The following KCNQ1 variants were observed in gnomAD, a reference collection of about 807,000 sequenced individuals.
KCNQ1 encodes the protein potassium voltage-gated channel subfamily Q member 1, also known as potassium voltage-gated channel subfamily KQT member 1.
A neutral mutation model predicts 72.4 loss-of-function variants in KCNQ1; 49 were observed. The ratio of observed to expected loss-of-function variants is 0.68; its 90% CI spans 0.54 to 0.86. The LOEUF is 0.86. Among genes scored for constraint, KCNQ1 ranks in the 40% least tolerant of loss-of-function variants. The pLI, the probability that KCNQ1 is intolerant of heterozygous loss-of-function variation, is 0.00. For synonymous variants in KCNQ1, 450 were observed against 412.6 expected, an observed-to-expected ratio of 1.09 and a Z score of -1.10; for missense variants, 790 against 945.1, an observed-to-expected ratio of 0.84 and a Z score of 2.15.
At position 2,659,881 on chromosome 11, in the gene KCNQ1, AATTGG is replaced by A; in HGVS notation, c.1394-2075_1394-2071del. 5.0e-6 allele frequency: 2 copies of A among 398,412 alleles called. No homozygotes were observed. Among genetic ancestry groups the A allele is most frequent in the Non-Finnish European group, 8.9e-6 (2 of 225,964 alleles). The allele number at this position is 398,412 out of a possible 1,614,324, so 24.7% of individuals were successfully genotyped here. On this transcript the variant is annotated intron_variant, in intron 10 of 15. Coordinates refer to ENST00000155840, the MANE Select transcript of KCNQ1 (RefSeq NM_000218.3). The surrounding 1 kb of genome is among the most constrained non-coding windows in gnomAD (Gnocchi z 4.3). ...GTGCTTATTTATAATCCATTTTTAA[AATTGG>A]ATTGTTCACTTTATTGTCAAGTTGT... is the stretch of plus-strand genomic sequence containing the variant.
rs41282910 is a variant in KCNQ1, at chr11:2,588,965, G to C, written c.1393+111G>C. The C allele has an allele frequency of 1.5e-6, 2 of 1,305,020 alleles. No individual in the cohort carries two copies. Among genetic ancestry groups the C allele is most frequent in the Admixed American group, 1.9e-5 (1 of 51,528 alleles). The allele number at this position is 1,305,020 out of a possible 1,614,324, so 80.8% of individuals were successfully genotyped here. A position where few individuals can be genotyped will look rare whatever the true frequency, so the allele number is the denominator to read the frequency against. ...CCCTTGGGCTGTGGTCTCTGACAAC[G>C]AGGTATGAACAGACAGAGGGTGGAG... On this transcript the variant is annotated intron_variant, in intron 10 of 15. Coordinates refer to ENST00000155840, the MANE Select transcript of KCNQ1 (RefSeq NM_000218.3). This position sits in a 1 kb window ranked among gnomAD's most constrained non-coding sequence, Gnocchi z 5.6.
At chr11:2,469,509 G>A (rs113698256) in intron 1 of KCNQ1, among the ~76,000 whole-genome samples, 6,771 of 152,126 alleles carry the variant, frequency 0.045, 197 homozygotes, top group Non-Finnish European at 0.066. Flanking sequence ...CTGACCTCGT[G>A]ATCCACCTGC....
At position 2,484,075 on chromosome 11, in the gene KCNQ1, A is replaced by T. The variant is rs1439942784; in HGVS notation, c.386+38591A>T. The stretch of plus-strand genomic sequence containing the variant: ...GCTGTCCCCTTTGTTCTGGTTATGT[A>T]TCCAGTGGCTTATGTATATCAGCAT... On this transcript the variant is annotated intron_variant, in intron 1 of 15. Coordinates refer to ENST00000155840, the MANE Select transcript of KCNQ1 (RefSeq NM_000218.3). The surrounding 1 kb of genome is among the most constrained non-coding windows in gnomAD (Gnocchi z 5.2). Among the ~76,000 whole-genome samples, 1 of 152,296 alleles carries T rather than the reference A, an allele frequency of 6.6e-6. No homozygotes were observed. The highest frequency in any genetic ancestry group is 1.5e-5 in the Non-Finnish European group (1 of 68,028).
intron 11 of KCNQ1, among the ~76,000 whole-genome samples, chr11:2,758,962 G>T (rs931988818): frequency 1.3e-5 from 2 of 152,124 alleles, no homozygotes; most frequent in African/African-American, 4.8e-5. Context: ...TCCATTCCTC[G>T]TTGCTGTGTG....
At position 2,562,985 on chromosome 11, in the gene KCNQ1, G is replaced by A. The variant is rs1306356735; in HGVS notation, c.478-7643G>A. Among the ~76,000 whole-genome samples, 1 of 152,184 alleles carries A rather than the reference G, an allele frequency of 6.6e-6. No individual in the cohort carries two copies. The highest frequency in any genetic ancestry group is 6.5e-5 in the Admixed American group (1 of 15,286). On this transcript the variant is annotated intron_variant, in intron 2 of 15. Coordinates refer to ENST00000155840, the MANE Select transcript of KCNQ1 (RefSeq NM_000218.3). This position sits in a 1 kb window ranked among gnomAD's most constrained non-coding sequence, Gnocchi z 7.5. ...AGACACTAAAGTCCTCGCGATAAGG[G>A]TCTGCGAGGCTTCCTTTATGTTTTG...
At chr11:2,706,351 G>A (rs1193058907) in intron 11 of KCNQ1, among the ~76,000 whole-genome samples, 1 of 152,228 alleles carries the variant, frequency 6.6e-6, no homozygotes, top group Non-Finnish European at 1.5e-5. Context: ...CCTGTGGTGA[G>A]GAACTGAGGC....
chr11:2,532,221 A>G (rs773105516), intron 2 of KCNQ1, among the ~76,000 whole-genome samples: 18 of 152,104 alleles, frequency 1.2e-4, no homozygotes, highest in Non-Finnish European at 2.4e-4. Flanking sequence ...ACACTCCCTG[A>G]GGGTGGGACC....
At position 2,664,775 on chromosome 11, in the gene KCNQ1, G is replaced by T. The variant is rs1048863738; in HGVS notation, c.1514+2694G>T. 5.0e-6 allele frequency: 2 copies of T among 398,726 alleles called. No homozygotes were observed. Among genetic ancestry groups the T allele is most frequent in the Non-Finnish European group, 8.8e-6 (2 of 226,154 alleles). 24.7% of individuals were successfully genotyped at this position (398,726 alleles called of 1,614,324 possible). On this transcript the variant is annotated intron_variant, in intron 11 of 15. Transcript: ENST00000155840. The surrounding 1 kb of genome is among the most constrained non-coding windows in gnomAD (Gnocchi z 5.1). ...CTGGGGTCTCACAGGGGGCAGAGTG[G>T]GTGGGAGGCAGTTACCAAAAAACAT...
chr11:2,553,991 A>G (rs1248454905), intron 2 of KCNQ1, among the ~76,000 whole-genome samples: 1 of 152,222 alleles, frequency 6.6e-6, no homozygotes, highest in Admixed American at 6.5e-5. Context: ...TGCTGGGATT[A>G]CAAGCGTGAG....
chr11:2,673,831 C>T lies in KCNQ1; in HGVS notation c.1514+11750C>T. 2.5e-6 allele frequency: 1 copy of T among 398,800 alleles called. No individual in the cohort carries two copies. The highest frequency in any genetic ancestry group is 4.4e-6 in the Non-Finnish European group (1 of 226,204). 24.7% of individuals were successfully genotyped at this position (398,800 alleles called of 1,614,324 possible). ...TTCAATCCCAGGCCCACAAGCACCACAGCCAGGAGAGTCAAGGTTGGATAT... is the reference window on the plus strand; with the variant it reads ...TTCAATCCCAGGCCCACAAGCACCATAGCCAGGAGAGTCAAGGTTGGATAT... On this transcript the variant is annotated intron_variant, in intron 11 of 15. Coordinates refer to ENST00000155840, the MANE Select transcript of KCNQ1 (RefSeq NM_000218.3). The surrounding 1 kb of genome is among the most constrained non-coding windows in gnomAD (Gnocchi z 4.5).
At chr11:2,756,805 A>T (rs1185855751) in intron 11 of KCNQ1, among the ~76,000 whole-genome samples, 1 of 152,068 alleles carries the variant, frequency 6.6e-6, no homozygotes, top group Non-Finnish European at 1.5e-5. Context: ...CATTGTTTTT[A>T]AAAACTAATT....
intron 11 of KCNQ1, among the ~76,000 whole-genome samples, chr11:2,737,672 C>T (rs1414879950): frequency 1.3e-5 from 2 of 152,318 alleles, no homozygotes; most frequent in East Asian, 3.9e-4. Flanking sequence ...TGACTCGGCC[C>T]TCGCAGACCA....
intron 6 of KCNQ1, among the ~76,000 whole-genome samples, chr11:2,577,129 C>T (rs1366877131): frequency 6.6e-6 from 1 of 152,232 alleles, no homozygotes; most frequent in Non-Finnish European, 1.5e-5. Flanking sequence ...AAAGGGCCTC[C>T]TGGTGAGGCT....
chr11:2,540,017 G>A (rs1364764197), intron 2 of KCNQ1, among the ~76,000 whole-genome samples: 4 of 152,216 alleles, frequency 2.6e-5, no homozygotes, highest in Non-Finnish European at 5.9e-5. Flanking sequence ...GGCAGGCTTG[G>A]GGGAGCTGGC....
chr11:2,553,261 C>A (rs547767840), intron 2 of KCNQ1, among the ~76,000 whole-genome samples: 5 of 149,696 alleles, frequency 3.3e-5, no homozygotes, highest in Admixed American at 6.7e-5. Context: ...CCTTTTCAGT[C>A]CATATACTAT....
chr11:2,666,945 C>T (rs568378423), intron 11 of KCNQ1: 142 of 398,750 alleles, frequency 3.6e-4, no homozygotes, highest in African/African-American at 2.1e-3. Context: ...TCTGTCTGCA[C>T]GAGATGCCAA....
chr11:2,622,696 A>G (rs1373731162), intron 10 of KCNQ1: 3 of 398,332 alleles, frequency 7.5e-6, no homozygotes, highest in South Asian at 2.5e-4. Flanking sequence ...GATTGTCTGT[A>G]TGTGTGTATG....
chr11:2,555,260 G>C (rs1335819323), intron 2 of KCNQ1, among the ~76,000 whole-genome samples: 1 of 152,148 alleles, frequency 6.6e-6, no homozygotes, highest in African/African-American at 2.4e-5. Flanking sequence ...TAGAAGCTTC[G>C]GCTCCTGGCA....
Position 2,669,014 on chromosome 11 carries a change from G to T in KCNQ1, c.1514+6933G>T. 2.5e-6 allele frequency: 1 copy of T among 398,602 alleles called. No individual in the cohort carries two copies. The highest frequency in any genetic ancestry group is 4.4e-6 in the Non-Finnish European group (1 of 226,088). 24.7% of individuals were successfully genotyped at this position (398,602 alleles called of 1,614,324 possible). A position where few individuals can be genotyped will look rare whatever the true frequency, so the allele number is the denominator to read the frequency against. On this transcript the variant is annotated intron_variant, in intron 11 of 15. Transcript: ENST00000155840. The surrounding 1 kb of genome is among the most constrained non-coding windows in gnomAD (Gnocchi z 5.6). ...TCAAGGTCCACTCTTCCCCTACTTG[G>T]ATATCCAGTCTAGCTCAGCACCCGG...
Sources: gnomAD v4.1 joint callset for allele counts (sites outside exome capture counted in the v4.1 genomes callset) on GRCh38, gnomAD v4.1.1 for gene constraint, Gnocchi (gnomAD v3.1) non-coding constraint, MANE v1.5 for transcripts, NCBI Gene and HGNC (gene_info 2026-07-23, HGNC 2026-07-21) for gene names.